The following RSPH4A variants were observed in gnomAD, a reference collection of about 807,000 sequenced individuals.
RSPH4A encodes the protein radial spoke head component 4A, also known as radial spoke head protein 4 homolog A.
In RSPH4A, 47 loss-of-function variants were observed where a neutral mutation model predicts 71.0. That is an observed-to-expected ratio of 0.66 (90% CI 0.52 to 0.84). The LOEUF is 0.84. Ranked by LOEUF, RSPH4A falls within the 40% of genes least tolerant of loss-of-function variation. The pLI is 0.00. For missense variants in RSPH4A, 793 were observed against 855.2 expected (o/e 0.93, Z 0.91); for synonymous variants, 282 against 302.3 (o/e 0.93, Z 0.70).
Position 116,617,276 on chromosome 6 carries a change from T to C in RSPH4A, c.653T>C (p.Leu218Pro). Reference sequence around the variant, plus strand: ...ACCATTCAGAATGCTAAGGCTTACCTGCTGAAGACTAGCAGCAATTCGGGC... The same window carrying C: ...ACCATTCAGAATGCTAAGGCTTACCCGCTGAAGACTAGCAGCAATTCGGGC... ...EITIQNAKAYLLKTSSNSGFN... is the reference protein window; with the variant it reads ...EITIQNAKAYPLKTSSNSGFN... Residue 218 changes from leucine to proline, a missense_variant, in exon 1 of 6, where the codon CTG becomes CCG. Leu to Pro is a moderately conservative substitution (Grantham distance 98). Transcript: ENST00000229554. 6.2e-7 allele frequency: 1 copy of C among 1,612,556 alleles called. No individual in the cohort carries two copies. The highest frequency in any genetic ancestry group is 8.5e-7 in the Non-Finnish European group (1 of 1,179,414).
At chr6:116,627,293 G>A (rs904194867) in intron 2 of RSPH4A, among the ~76,000 whole-genome samples, 6 of 152,014 alleles carry the variant, frequency 3.9e-5, no homozygotes, top group Admixed American at 3.9e-4. Context: ...TCCGCCTCCC[G>A]GGTTCAAGTG....
In RSPH4A at chr6:116,628,249, A is replaced by G. The variant is rs1288785104; in HGVS notation, c.1542A>G (p.Glu514=). The part of the protein sequence containing the change: ...QFGEEEGEEE[E]EAEGGRNSFE... ...GTGAAGAGGAAGGAGAGGAGGAGGA[A>G]GAGGCAGAAGGTGGGCGAAATAGCT... Residue 514 remains glutamate, a synonymous_variant, in exon 3 of 6, where the codon GAA becomes GAG. Transcript: ENST00000229554. 1 of 1,612,254 alleles carries G rather than the reference A, an allele frequency of 6.2e-7. No homozygotes were observed. Among genetic ancestry groups the G allele is most frequent in the Non-Finnish European group, 8.5e-7 (1 of 1,178,778 alleles).
Position 116,627,684 on chromosome 6 carries a change from G to A in RSPH4A, c.977G>A (p.Gly326Glu). 1 of 1,614,214 alleles carries A rather than the reference G, an allele frequency of 6.2e-7. No homozygotes were observed. Among genetic ancestry groups the A allele is most frequent in the South Asian group, 1.1e-5 (1 of 91,080 alleles). The change falls in exon 3 of 6, where the codon GGA becomes GAA. Residue 326 changes from glycine (G) to glutamate (E), a missense_variant. Transcript: ENST00000229554. Reference sequence around the variant, plus strand: ...TCAGCTTTTTATTTTGAACAAGCTGGAGTTGGTTTGGGCACAGATGAGACA... The same window carrying A: ...TCAGCTTTTTATTTTGAACAAGCTGAAGTTGGTTTGGGCACAGATGAGACA... ...MESAFYFEQA[G>E]VGLGTDETYR...
intron 2 of RSPH4A, among the ~76,000 whole-genome samples, chr6:116,627,389 G>A (rs779628506): frequency 2.6e-5 from 4 of 151,994 alleles, no homozygotes; most frequent in Admixed American, 6.6e-5. Flanking sequence ...TAGTAGAGAC[G>A]GGGGTCTCAC....
At chr6:116,627,177 AG>A (rs1775709404) in intron 2 of RSPH4A, among the ~76,000 whole-genome samples, 1 of 152,210 alleles carries the variant, frequency 6.6e-6, no homozygotes, top group Admixed American at 6.5e-5. Context: ...ACAGAAATTC[AG>A]GAATTATCAT....
Position 116,631,731 on chromosome 6 carries a change from T to G in RSPH4A, c.1917-476T>G, listed in dbSNP as rs1250050472. 2.0e-5 allele frequency among the ~76,000 whole-genome samples: 3 copies of G among 152,156 alleles called. No individual in the cohort carries two copies. The East Asian group carries it at 5.8e-4, about 29-fold the overall frequency. On this transcript the variant is annotated intron_variant, in intron 5 of 5. Coordinates refer to ENST00000229554, the MANE Select transcript of RSPH4A (RefSeq NM_001010892.3). ...ACTTCCCGTAAAGACAGCAGTGCATTGTACTCCAAGTCTGATGTGCCAGGT... is the reference window on the plus strand; with the variant it reads ...ACTTCCCGTAAAGACAGCAGTGCATGGTACTCCAAGTCTGATGTGCCAGGT...
At chr6:116,628,449 A>G (rs993920714) in intron 3 of RSPH4A, 80 bp downstream of exon 3, 1 of 1,186,572 alleles carries the variant, frequency 8.4e-7, no homozygotes, top group African/African-American at 1.5e-5. Context: ...ACAAAGACAT[A>G]CAAAATAAAG....
At chr6:116,618,458 T>G (rs1175110994) in intron 1 of RSPH4A, among the ~76,000 whole-genome samples, 2 of 152,218 alleles carry the variant, frequency 1.3e-5, no homozygotes, top group Non-Finnish European at 2.9e-5. Flanking sequence ...AAATGAATGC[T>G]TTTTCTATTC....
chr6:116,632,150 GT>G (rs1467091856), intron 5 of RSPH4A, 56 bp from the exon 6 acceptor site: 1 of 1,354,604 alleles, frequency 7.4e-7, no homozygotes, highest in African/African-American at 1.5e-5. Flanking sequence ...AGAAGGGTCA[GT>G]TTTTCTGAGA....
intron 2 of RSPH4A, among the ~76,000 whole-genome samples, chr6:116,626,621 G>A (rs905711235): frequency 3.0e-4 from 45 of 152,118 alleles, no homozygotes; most frequent in Admixed American, 2.8e-3. Flanking sequence ...GATTACAGGC[G>A]TGAGCCACCA....
chr6:116,627,536 G>A, intron 2 of RSPH4A, 93 bp from the exon 3 acceptor site: 2 of 1,026,692 alleles, frequency 1.9e-6, no homozygotes, highest in Non-Finnish European at 3.1e-6. Context: ...AAGAAGTGGT[G>A]GAGAAAGTAG....
At chr6:116,625,479 G>C (rs1396436986) in intron 2 of RSPH4A, among the ~76,000 whole-genome samples, 2 of 152,166 alleles carry the variant, frequency 1.3e-5, no homozygotes, top group Non-Finnish European at 2.9e-5. Context: ...ACAGTAAGAA[G>C]TTTTTAAATA....
chr6:116,629,685 CA>C lies in RSPH4A; in HGVS notation c.1783del (p.Ile595SerfsTer5). ...GAAGTGGGGCTTCCTCTTTTGACAC[CA>C]ATCTCTGAAGATTTAGGTTATTTTA... ...EQEVGLPLLT[P>X]ISEDLEIQNI... On this transcript the variant is annotated frameshift_variant, in exon 4 of 6. Transcript: ENST00000229554. LOFTEE classifies it high-confidence loss of function. The C allele has an allele frequency of 6.2e-7, 1 of 1,611,802 alleles. No individual in the cohort carries two copies.
intron 2 of RSPH4A, among the ~76,000 whole-genome samples, chr6:116,625,815 G>A (rs572534352): frequency 6.6e-6 from 1 of 152,282 alleles, no homozygotes; most frequent in South Asian, 2.1e-4. Context: ...ATAGAAAAAA[G>A]AGAAAACTTT....
intron 3 of RSPH4A, among the ~76,000 whole-genome samples, 160 bp from the exon 4 acceptor site, chr6:116,629,407 C>T (rs1226059431): frequency 1.3e-5 from 2 of 152,128 alleles, no homozygotes; most frequent in African/African-American, 4.8e-5. Flanking sequence ...CTTGAAACAA[C>T]CTAGATCAAA....
Position 116,617,134 on chromosome 6 carries a change from GCT to G in RSPH4A, c.512_513del (p.Ala171GlufsTer8). 2.5e-6 allele frequency: 4 copies of G among 1,614,186 alleles called. No homozygotes were observed. On this transcript the variant is annotated frameshift_variant, in exon 1 of 6. Transcript: ENST00000229554. LOFTEE classifies it high-confidence loss of function. ...CGRRDVSYNN[A>X]KQKELRFDVF... ...ACGAAGGGACGTGAGCTATAACAACGCTAAACAGAAAGAGCTGAGATTTGACG... is the reference window on the plus strand; with the variant it reads ...ACGAAGGGACGTGAGCTATAACAACGAAACAGAAAGAGCTGAGATTTGACG...
chr6:116,621,127 G>A (rs1005672724), intron 1 of RSPH4A, among the ~76,000 whole-genome samples: 5 of 152,052 alleles, frequency 3.3e-5, no homozygotes, highest in African/African-American at 1.2e-4. Context: ...CCAGAGTGCC[G>A]GGATTACAGG....
chr6:116,630,915 T>C (rs1405301899), intron 5 of RSPH4A, among the ~76,000 whole-genome samples: 1 of 140,854 alleles, frequency 7.1e-6, no homozygotes, highest in Non-Finnish European at 1.5e-5. Flanking sequence ...GGTCTTGAAC[T>C]CCTAATCTCA....
At chr6:116,623,207 T>C (rs1775641421) in intron 2 of RSPH4A, among the ~76,000 whole-genome samples, 1 of 152,110 alleles carries the variant, frequency 6.6e-6, no homozygotes, top group African/African-American at 2.4e-5. Context: ...CAAGCAATTC[T>C]CCTGAGTAGC....
Sources: allele counts gnomAD v4.1 joint callset (sites outside exome capture counted in the v4.1 genomes callset), GRCh38; gene constraint gnomAD v4.1.1; transcripts MANE v1.5; gene names NCBI Gene and HGNC (gene_info 2026-07-23, HGNC 2026-07-21).